The following SEMA5B variants were observed in gnomAD, a reference collection of about 807,000 sequenced individuals.
The protein encoded by SEMA5B is semaphorin 5B.
Under a neutral mutation model 135.0 loss-of-function variants are expected in SEMA5B, and 66 were observed. That is an observed-to-expected ratio of 0.49 (90% confidence interval 0.40 to 0.60). The LOEUF is 0.60. SEMA5B is among the 20% of genes least tolerant of loss of function. The probability of loss-of-function intolerance (pLI) is 0.00; values close to 1 mark genes in which losing one functional copy is unlikely to be tolerated. For synonymous variants in SEMA5B, 690 were observed against 639.5 expected (o/e 1.08, Z -1.19); for missense variants, 1,501 against 1,566.3 (o/e 0.96, Z 0.70).
At chr3:122,972,518 A>G (rs1334988598) in intron 1 of SEMA5B, among the ~76,000 whole-genome samples, 1 of 152,224 alleles carries the variant, frequency 6.6e-6, no homozygotes, top group Non-Finnish European at 1.5e-5. Context: ...TTGTTCTTGA[A>G]TCACACCCTG....
chr3:122,954,504 T>G (rs1940193944), intron 2 of SEMA5B, among the ~76,000 whole-genome samples: 1 of 152,212 alleles, frequency 6.6e-6, no homozygotes, highest in South Asian at 2.1e-4. Flanking sequence ...GAGCCTCTGC[T>G]TCATGAGGGC....
intron 1 of SEMA5B, among the ~76,000 whole-genome samples, chr3:122,963,640 C>T (rs1940689033): frequency 6.6e-6 from 1 of 152,088 alleles, no homozygotes; most frequent in Non-Finnish European, 1.5e-5. Flanking sequence ...TTTTGTGTGT[C>T]GTTGGGGAGC....
intron 2 of SEMA5B, among the ~76,000 whole-genome samples, chr3:122,956,860 A>C (rs2107587844): frequency 6.6e-6 from 1 of 152,282 alleles, no homozygotes; most frequent in East Asian, 1.9e-4. Flanking sequence ...ACGTCCTGGG[A>C]AAGCGGGTGA....
At chr3:122,965,831 G>T (rs1007369028) in intron 1 of SEMA5B, among the ~76,000 whole-genome samples, 9 of 152,222 alleles carry the variant, frequency 5.9e-5, no homozygotes, top group African/African-American at 1.9e-4. Context: ...AATCTGGATG[G>T]CCCAGGACCC....
chr3:123,007,682 C>T (rs1942345879), intron 1 of SEMA5B, among the ~76,000 whole-genome samples: 1 of 152,156 alleles, frequency 6.6e-6, no homozygotes, highest in Non-Finnish European at 1.5e-5. Context: ...ATGTGGTACC[C>T]TGCACCACCT....
intron 1 of SEMA5B, among the ~76,000 whole-genome samples, chr3:122,997,211 C>T (rs894947690): frequency 3.9e-5 from 6 of 152,184 alleles, no homozygotes; most frequent in Non-Finnish European, 8.8e-5. Flanking sequence ...CGTGCCTGAC[C>T]GGACCCAGGT....
chr3:122,930,547 T>C (rs563019211), intron 5 of SEMA5B, among the ~76,000 whole-genome samples: 1 of 152,348 alleles, frequency 6.6e-6, no homozygotes, highest in African/African-American at 2.4e-5. Flanking sequence ...ATTGCAGTTG[T>C]GCAGGCCAAA....
intron 2 of SEMA5B, among the ~76,000 whole-genome samples, chr3:122,956,006 T>C (rs1048502866): frequency 1.3e-5 from 2 of 152,160 alleles, no homozygotes; most frequent in Non-Finnish European, 2.9e-5. Context: ...AGAGGAGACA[T>C]GTCTCCAGTG....
chr3:122,993,762 G>T (rs1392679743), intron 1 of SEMA5B, among the ~76,000 whole-genome samples: 1 of 151,718 alleles, frequency 6.6e-6, no homozygotes, highest in African/African-American at 2.4e-5. Flanking sequence ...CTCTGGGAGG[G>T]TGATAATGCC....
chr3:122,943,050 C>T (rs564841696), intron 4 of SEMA5B, among the ~76,000 whole-genome samples: 10 of 152,318 alleles, frequency 6.6e-5, no homozygotes, highest in South Asian at 2.1e-4. Flanking sequence ...AGGTGCAGGC[C>T]GCCGGCTGGC....
At chr3:122,941,493 C>G (rs1939563080) in intron 4 of SEMA5B, among the ~76,000 whole-genome samples, 1 of 152,230 alleles carries the variant, frequency 6.6e-6, no homozygotes, top group Non-Finnish European at 1.5e-5. Context: ...AACCCACTTC[C>G]TGGGTTCACC....
intron 5 of SEMA5B, among the ~76,000 whole-genome samples, chr3:122,929,737 A>G (rs1345921021): frequency 1.3e-5 from 2 of 152,046 alleles, no homozygotes; most frequent in Non-Finnish European, 2.9e-5. Flanking sequence ...CTTTCCTCCC[A>G]GCTTCCCTGG....
intron 22 of SEMA5B, 139 bp from the exon 23 acceptor site, chr3:122,910,440 G>T: frequency 2.3e-6 from 2 of 858,668 alleles, no homozygotes; most frequent in Non-Finnish European, 3.6e-6. Flanking sequence ...CACCACCACT[G>T]CCCAGTTCCA....
intron 1 of SEMA5B, among the ~76,000 whole-genome samples, chr3:122,998,555 C>T (rs1942085116): frequency 6.6e-6 from 1 of 152,178 alleles, no homozygotes; most frequent in African/African-American, 2.4e-5. Context: ...CAGTGTTACC[C>T]AGGTCTGCAG....
At chr3:122,929,621 G>GA (rs1373195126) in intron 5 of SEMA5B, among the ~76,000 whole-genome samples, 1 of 151,278 alleles carries the variant, frequency 6.6e-6, no homozygotes, top group Non-Finnish European at 1.5e-5. Context: ...GCAGGGACTG[G>GA]AACCCACATT....
At position 122,948,545 on chromosome 3, in the gene SEMA5B, G is replaced by A; in HGVS notation, c.289C>T (p.Leu97=). 5 of 1,611,302 alleles carry A rather than the reference G, an allele frequency of 3.1e-6. No individual in the cohort carries two copies. Among genetic ancestry groups the A allele is most frequent in the South Asian group, 1.1e-5 (1 of 90,862 alleles). Residue 97 remains leucine (L), a synonymous_variant, in exon 3 of 23, where the codon CTG becomes TTG. Coordinates refer to ENST00000357599, the MANE Select transcript of SEMA5B (RefSeq NM_001031702.4). ...GTGGGGTGCTTGCTAAGGGCGCACA[G>A]CTGCTGCTCACTGCTGGGCTCACTG... is the stretch of plus-strand genomic sequence containing the variant. The part of the protein sequence containing the change: ...VSSEPSSEQQ[L]CALSKHPTVA...
chr3:122,952,366 G>T (rs1268551356), intron 2 of SEMA5B, among the ~76,000 whole-genome samples: 1 of 152,286 alleles, frequency 6.6e-6, no homozygotes, highest in African/African-American at 2.4e-5. Context: ...TGGGGAAGAG[G>T]GATTCAAAGG....
intron 3 of SEMA5B, 37 bp from the exon 4 acceptor site, chr3:122,943,572 G>C: frequency 6.9e-7 from 1 of 1,444,994 alleles, no homozygotes; most frequent in Non-Finnish European, 9.6e-7. Context: ...GTTACTGTTG[G>C]GCCAGAGGCT....
intron 1 of SEMA5B, among the ~76,000 whole-genome samples, chr3:122,977,482 C>T (rs1941370343): frequency 6.6e-6 from 1 of 152,184 alleles, no homozygotes; most frequent in African/African-American, 2.4e-5. Flanking sequence ...GTCTGGCACT[C>T]CTAGAACTCA....
Sources: allele counts gnomAD v4.1 joint callset (sites outside exome capture counted in the v4.1 genomes callset), GRCh38; gene constraint gnomAD v4.1.1; transcripts MANE v1.5; gene names NCBI Gene and HGNC (gene_info 2026-07-23, HGNC 2026-07-21).